Variants in REPS2 observed in about 807,000 individuals in gnomAD.
REPS2 encodes the protein RALBP1 associated Eps domain containing 2, also known as ralBP1-associated Eps domain-containing protein 2.
REPS2 carries 23 observed loss-of-function variants against 53.6 expected under a neutral mutation model. The ratio of observed to expected loss-of-function variants is 0.43; its 90% CI spans 0.31 to 0.61. The LOEUF (loss-of-function observed/expected upper bound fraction) is 0.61, where lower values mean the gene tolerates loss of function less well. Among genes scored for constraint, REPS2 ranks in the 20% least tolerant of loss-of-function variants. The pLI is 0.11. For synonymous variants in REPS2, 238 were observed against 218.6 expected (o/e 1.09, Z -0.78); for missense variants, 446 against 534.9 (o/e 0.83, Z 1.64).
the REPS2 span, among the ~76,000 whole-genome samples, chrX:17,174,311 G>A: frequency 8.9e-6 from 1 of 112,138 alleles, no homozygotes; most frequent in Non-Finnish European, 1.9e-5. Context: ...TAATGCTTGG[G>A]CCCGTACTTG....
At chrX:17,166,334 C>G in the REPS2 span, among the ~76,000 whole-genome samples, 2 of 111,565 alleles carry the variant, frequency 1.8e-5, no homozygotes. Context: ...CTCCAGTGAC[C>G]GTGGGCTACT....
chrX:16,972,843 C>A (rs1251087366), intron 1 of REPS2, among the ~76,000 whole-genome samples: 2 of 111,361 alleles, frequency 1.8e-5, no homozygotes, highest in Non-Finnish European at 3.8e-5. Flanking sequence ...CCTCACCCTG[C>A]TCCCTTAATG....
chrX:16,949,368 A>G (rs2060478882), intron 1 of REPS2, among the ~76,000 whole-genome samples: 1 of 112,050 alleles, frequency 8.9e-6, no homozygotes, highest in Non-Finnish European at 1.9e-5. Flanking sequence ...AGAATCTTGC[A>G]TTCTTACCAC....
chrX:17,086,764 A>C (rs761871276), intron 13 of REPS2, among the ~76,000 whole-genome samples: 1 of 112,826 alleles, frequency 8.9e-6, no homozygotes, highest in Non-Finnish European at 1.9e-5. Context: ...GAGATCATAA[A>C]ACATAATTCT....
At chrX:17,022,101 T>G in intron 2 of REPS2, 22 bp from the exon 3 acceptor site, 2 of 1,192,013 alleles carry the variant, frequency 1.7e-6, no homozygotes, top group Non-Finnish European at 2.3e-6. Flanking sequence ...GACTAGAGCT[T>G]CTCTGATTTC....
intron 14 of REPS2, among the ~76,000 whole-genome samples, chrX:17,121,261 C>A (rs998330764): frequency 1.8e-5 from 2 of 112,030 alleles, no homozygotes; most frequent in African/African-American, 6.5e-5. Context: ...TCCTAAATAC[C>A]CTGCTCTGCC....
chrX:17,182,526 G>C, the REPS2 span, among the ~76,000 whole-genome samples: 6 of 111,766 alleles, frequency 5.4e-5, no homozygotes, highest in African/African-American at 2.0e-4. Flanking sequence ...GAGAACTCAA[G>C]GCTGCTGCTG....
the REPS2 span, among the ~76,000 whole-genome samples, chrX:17,184,257 C>G: frequency 8.7e-5 from 9 of 103,232 alleles, no homozygotes; most frequent in Admixed American, 9.5e-4. Context: ...CAATTCCCAC[C>G]TATGAGTGAG....
intron 6 of REPS2, among the ~76,000 whole-genome samples, chrX:17,050,157 T>C (rs12839093): frequency 0.047 from 1,773 of 37,851 alleles, 23 homozygotes; most frequent in East Asian, 0.17. Flanking sequence ...TTTCTTTCTT[T>C]CTTTCTTTCT....
At chrX:17,164,438 G>A in the REPS2 span, among the ~76,000 whole-genome samples, 1 of 112,203 alleles carries the variant, frequency 8.9e-6, no homozygotes, top group African/African-American at 3.2e-5. Context: ...AGCTAGAGTG[G>A]CTCTACTAAT....
At position 17,019,780 on chromosome X, in the gene REPS2, T is replaced by TA. The variant is rs768240046; in HGVS notation, c.398-2342dup. ...AGTTCAAGGCTGCAATGAGCTATGT[T>TA]AGTGCCACTGCACTTCAGTCTGAGA... is the stretch of plus-strand genomic sequence containing the variant. On this transcript the variant is annotated intron_variant, in intron 2 of 17. Transcript: ENST00000357277. 2.1e-3 allele frequency among the ~76,000 whole-genome samples: 236 copies of TA among 111,906 alleles called. 1 individual carries two copies. The highest frequency in any genetic ancestry group is 6.8e-3 in the African/African-American group (209 of 30,857).
chrX:17,100,697 T>A (rs2062780414), intron 13 of REPS2, among the ~76,000 whole-genome samples: 1 of 112,520 alleles, frequency 8.9e-6, no homozygotes, highest in African/African-American at 3.2e-5. Flanking sequence ...ATTCAACTTT[T>A]ACAGTAGATA....
chrX:17,190,698 A>G, the REPS2 span, among the ~76,000 whole-genome samples: 1 of 112,322 alleles, frequency 8.9e-6, no homozygotes, highest in Admixed American at 9.4e-5. Flanking sequence ...CAGAGAAGTA[A>G]CACTATTTAA....
At chrX:16,983,459 G>C (rs1443014204) in intron 1 of REPS2, among the ~76,000 whole-genome samples, 1 of 112,247 alleles carries the variant, frequency 8.9e-6, no homozygotes, top group African/African-American at 3.2e-5. Flanking sequence ...AATTTTTACA[G>C]ATATTCTCTG....
intron 14 of REPS2, among the ~76,000 whole-genome samples, chrX:17,110,716 CAAT>C (rs1427772720): frequency 1.9e-5 from 2 of 107,079 alleles, no homozygotes; most frequent in Admixed American, 1.0e-4. Flanking sequence ...AACAAACAAA[CAAT>C]AAAAAAAGAA....
intron 13 of REPS2, among the ~76,000 whole-genome samples, chrX:17,092,201 G>A (rs2062625617): frequency 1.8e-5 from 2 of 111,603 alleles, no homozygotes; most frequent in South Asian, 7.5e-4. Flanking sequence ...TTTTCATTTA[G>A]TTATTGATTA....
chrX:17,082,718 G>A (rs2062474226), intron 13 of REPS2, among the ~76,000 whole-genome samples: 1 of 112,685 alleles, frequency 8.9e-6, no homozygotes. Context: ...GATGCAGAAT[G>A]TGTATGTTTA....
At chrX:17,182,772 G>T in the REPS2 span, among the ~76,000 whole-genome samples, 21 of 112,499 alleles carry the variant, frequency 1.9e-4, no homozygotes, top group Admixed American at 1.0e-3. Context: ...AACAAGAATA[G>T]TTAACACTGA....
At position 17,132,040 on chromosome X, in the gene REPS2, T is replaced by C. The variant is rs368829783; in HGVS notation, c.1579-1784T>C. ...TTTCAGACTCCCTCCTTCAATGGAC[T>C]TCCAAAATCAGAAAGCCATGGTAAA... is the stretch of plus-strand genomic sequence containing the variant. On this transcript the variant is annotated intron_variant, in intron 14 of 17. Transcript: ENST00000357277. Among the ~76,000 whole-genome samples, 8 of 111,203 alleles carry C rather than the reference T, an allele frequency of 7.2e-5. No homozygotes were observed. The East Asian group carries it at 2.3e-3, about 32-fold the overall frequency.
Sources: gnomAD v4.1 joint callset for allele counts (sites outside exome capture counted in the v4.1 genomes callset) on GRCh38, gnomAD v4.1.1 for gene constraint, MANE v1.5 for transcripts, NCBI Gene and HGNC (gene_info 2026-07-23, HGNC 2026-07-21) for gene names.